SHB: variants seen among roughly 807,000 people sequenced by gnomAD.
The protein encoded by SHB is SH2 domain containing adaptor protein B, also known as SH2 domain-containing adapter protein B.
Under a neutral mutation model 52.3 loss-of-function variants are expected in SHB, and 20 were observed. The ratio of observed to expected loss-of-function variants is 0.38; its 90% CI spans 0.27 to 0.56. The LOEUF is 0.56. Among genes scored for constraint, SHB ranks in the 20% least tolerant of loss-of-function variants. The probability of loss-of-function intolerance (pLI) is 0.71; values close to 1 mark genes in which losing one functional copy is unlikely to be tolerated. For missense variants in SHB, 825 were observed against 723.3 expected (o/e 1.14, Z -1.61); for synonymous variants, 397 against 316.5 (o/e 1.25, Z -2.70).
intron 1 of SHB, among the ~76,000 whole-genome samples, chr9:38,061,073 T>C (rs1262979705): frequency 6.6e-6 from 1 of 152,186 alleles, no homozygotes; most frequent in Non-Finnish European, 1.5e-5. Context: ...GGCTCACACC[T>C]GTAATCCCAG....
At chr9:38,000,605 TC>T (rs1408201903) in intron 2 of SHB, among the ~76,000 whole-genome samples, 1 of 152,240 alleles carries the variant, frequency 6.6e-6, no homozygotes, top group Non-Finnish European at 1.5e-5. Flanking sequence ...GTGGGCTGAT[TC>T]TGTCTGCAAC....
At chr9:37,976,666 C>T (rs6476669) in intron 2 of SHB, among the ~76,000 whole-genome samples, 86,627 of 151,630 alleles carry the variant, frequency 0.57, 25,100 homozygotes, top group East Asian at 0.77. Context: ...TATGTATATT[C>T]ACCGTCCATG....
At chr9:37,940,443 G>C (rs1410527790) in intron 5 of SHB, among the ~76,000 whole-genome samples, 2 of 152,114 alleles carry the variant, frequency 1.3e-5, no homozygotes, top group African/African-American at 4.8e-5. Flanking sequence ...CTACAGCAGT[G>C]GCTTCTAATT....
At chr9:37,980,063 T>G (rs114006854) in intron 2 of SHB, among the ~76,000 whole-genome samples, 1 of 152,232 alleles carries the variant, frequency 6.6e-6, no homozygotes, top group African/African-American at 2.4e-5. Flanking sequence ...TGGTAGTTCC[T>G]GAAGGCTGAG....
At chr9:38,025,395 C>T (rs1821329302) in intron 1 of SHB, among the ~76,000 whole-genome samples, 1 of 152,186 alleles carries the variant, frequency 6.6e-6, no homozygotes, top group African/African-American at 2.4e-5. Flanking sequence ...CGAGTGCTCC[C>T]CTAGGGGCCT....
intron 1 of SHB, among the ~76,000 whole-genome samples, chr9:38,034,120 G>A (rs1391978408): frequency 6.6e-6 from 1 of 152,208 alleles, no homozygotes; most frequent in Non-Finnish European, 1.5e-5. Flanking sequence ...TCTGCCTGGT[G>A]AGGGAGTTCA....
chr9:38,019,447 T>C (rs563284324), intron 1 of SHB, among the ~76,000 whole-genome samples: 155 of 152,340 alleles, frequency 1.0e-3, no homozygotes, highest in African/African-American at 3.6e-3. Context: ...GGGGCCCCTG[T>C]GTTTTTATCT....
At chr9:37,946,987 T>C (rs374208520) in intron 5 of SHB, among the ~76,000 whole-genome samples, 2 of 152,172 alleles carry the variant, frequency 1.3e-5, no homozygotes, top group East Asian at 3.8e-4. Flanking sequence ...GATGGCCCCA[T>C]CAGCATGCCT....
intron 5 of SHB, among the ~76,000 whole-genome samples, chr9:37,937,440 G>C (rs1245799241): frequency 6.6e-6 from 1 of 151,988 alleles, no homozygotes; most frequent in Non-Finnish European, 1.5e-5. Flanking sequence ...TATTCCTCTT[G>C]GGTGAAATAA....
chr9:38,017,120 G>T (rs1189100741), intron 1 of SHB, among the ~76,000 whole-genome samples: 2 of 152,132 alleles, frequency 1.3e-5, no homozygotes, highest in Non-Finnish European at 2.9e-5. Context: ...TTTAGGAGAG[G>T]CACAGAACCC....
intron 4 of SHB, among the ~76,000 whole-genome samples, chr9:37,952,793 G>T (rs899847023): frequency 6.6e-6 from 1 of 152,106 alleles, no homozygotes; most frequent in African/African-American, 2.4e-5. Context: ...GTTTATGGAG[G>T]TGCGGAAGCT....
chr9:37,976,281 C>G (rs1820652782), intron 2 of SHB, among the ~76,000 whole-genome samples: 1 of 152,214 alleles, frequency 6.6e-6, no homozygotes, highest in South Asian at 2.1e-4. Flanking sequence ...TGTGATCTCC[C>G]TGCCTCTGCC....
chr9:37,973,483 A>G (rs1328611284), intron 3 of SHB, among the ~76,000 whole-genome samples: 1 of 152,194 alleles, frequency 6.6e-6, no homozygotes, highest in Non-Finnish European at 1.5e-5. Flanking sequence ...TCGGCCTCCC[A>G]AAGTGCCAGG....
intron 3 of SHB, among the ~76,000 whole-genome samples, chr9:37,965,673 T>C (rs543304347): frequency 6.6e-6 from 1 of 151,912 alleles, no homozygotes; most frequent in South Asian, 2.1e-4. Context: ...CCTCCGGGGT[T>C]CAAGTGATTC....
At chr9:38,039,905 T>C (rs537707858) in intron 1 of SHB, among the ~76,000 whole-genome samples, 2 of 152,344 alleles carry the variant, frequency 1.3e-5, no homozygotes, top group East Asian at 3.9e-4. Context: ...TGGCGGCCCA[T>C]GCCCTGCCCT....
intron 4 of SHB, among the ~76,000 whole-genome samples, chr9:37,949,254 G>A (rs575364725): frequency 1.6e-4 from 24 of 151,924 alleles, no homozygotes; most frequent in Admixed American, 5.9e-4. Context: ...TTAGCCGGGC[G>A]TGGTGGTGGG....
intron 5 of SHB, among the ~76,000 whole-genome samples, chr9:37,938,994 A>T (rs1036370905): frequency 1.3e-5 from 2 of 151,998 alleles, no homozygotes; most frequent in Non-Finnish European, 2.9e-5. Flanking sequence ...GCTGCTCCGA[A>T]ATCTGGATGT....
chr9:37,957,391 A>C (rs1404859446), intron 3 of SHB, among the ~76,000 whole-genome samples: 3 of 152,176 alleles, frequency 2.0e-5, no homozygotes, highest in East Asian at 3.9e-4. Flanking sequence ...AGCGTGATGA[A>C]CCTGTTCTAC....
At chr9:38,014,011 C>T (rs1821177548) in intron 2 of SHB, among the ~76,000 whole-genome samples, 1 of 152,208 alleles carries the variant, frequency 6.6e-6, no homozygotes, top group Non-Finnish European at 1.5e-5. Flanking sequence ...GGGGCTCCTG[C>T]CATTTCCTCA....
Sources: gnomAD v4.1 joint callset for allele counts (sites outside exome capture counted in the v4.1 genomes callset) on GRCh38, gnomAD v4.1.1 for gene constraint, MANE v1.5 for transcripts, NCBI Gene and HGNC (gene_info 2026-07-23, HGNC 2026-07-21) for gene names.